SLC2A13: variants seen among roughly 807,000 people sequenced by gnomAD.
SLC2A13 encodes solute carrier family 2 member 13.
SLC2A13 carries 32 observed loss-of-function variants against 64.4 expected under a neutral mutation model. The observed-to-expected ratio is 0.50, with a 90% CI of 0.37 to 0.67. The LOEUF is 0.67. Ranked by LOEUF, SLC2A13 falls within the 30% of genes least tolerant of loss-of-function variation. The probability of loss-of-function intolerance (pLI) is 0.00; values close to 1 mark genes in which losing one functional copy is unlikely to be tolerated. For synonymous variants in SLC2A13, 338 were observed against 327.1 expected (o/e 1.03, Z -0.36); for missense variants, 743 against 829.2 (o/e 0.90, Z 1.28).
At chr12:40,025,004 T>G (rs921172224) in intron 3 of SLC2A13, among the ~76,000 whole-genome samples, 1 of 152,248 alleles carries the variant, frequency 6.6e-6, no homozygotes. Flanking sequence ...CTAGTCTTAC[T>G]TTATTATTCC....
intron 1 of SLC2A13, among the ~76,000 whole-genome samples, chr12:40,064,679 A>G (rs1391884923): frequency 6.6e-6 from 1 of 152,288 alleles, no homozygotes. Context: ...TAACAAATAG[A>G]GCAAAATATT....
chr12:40,079,853 T>C lies in SLC2A13; in HGVS notation c.556+25400A>G, dbSNP rs1402550335. On this transcript the variant is annotated intron_variant, in intron 1 of 9. Coordinates refer to ENST00000280871, the MANE Select transcript of SLC2A13 (RefSeq NM_052885.4). ...AGTTGAACCATTTATCATTATGTAA[T>C]GTCCTTCTTTGTCCTTTTTATTTTT... Among the ~76,000 whole-genome samples, 6 of 152,220 alleles carry C rather than the reference T, an allele frequency of 3.9e-5. No individual in the cohort carries two copies. In the East Asian group the frequency reaches 7.7e-4, roughly 20 times the overall value.
intron 4 of SLC2A13, among the ~76,000 whole-genome samples, chr12:39,921,910 C>A (rs1945620866): frequency 6.6e-6 from 1 of 151,388 alleles, no homozygotes; most frequent in South Asian, 2.1e-4. Context: ...GCATATAAAT[C>A]CAACAAAAGT....
chr12:40,076,755 C>T (rs1938193539), intron 1 of SLC2A13, among the ~76,000 whole-genome samples: 1 of 152,176 alleles, frequency 6.6e-6, no homozygotes, highest in African/African-American at 2.4e-5. Context: ...AACTAATTTA[C>T]ATTACCACCA....
chr12:39,834,796 T>C (rs956801445), intron 6 of SLC2A13, among the ~76,000 whole-genome samples: 1 of 152,066 alleles, frequency 6.6e-6, no homozygotes, highest in Non-Finnish European at 1.5e-5. Flanking sequence ...TATAGACTAT[T>C]TTATGGCAAA....
intron 7 of SLC2A13, among the ~76,000 whole-genome samples, chr12:39,815,210 C>T (rs900718464): frequency 1.3e-5 from 2 of 152,096 alleles, no homozygotes; most frequent in African/African-American, 4.8e-5. Context: ...TTTAGACTTT[C>T]TGAAAGAAAC....
Position 40,067,624 on chromosome 12 carries a change from T to G in SLC2A13, c.557-19414A>C, listed in dbSNP as rs1400916691. Among the ~76,000 whole-genome samples, 3 of 152,188 alleles carry G rather than the reference T, an allele frequency of 2.0e-5. No homozygotes were observed. In the East Asian group the frequency reaches 5.8e-4, roughly 29 times the overall value. Reference sequence around the variant, plus strand: ...TCATTCTGCTGTCTCCCTAAACATATAGCTTTCTACTCATTTTTGTCTTCA... The same window carrying G: ...TCATTCTGCTGTCTCCCTAAACATAGAGCTTTCTACTCATTTTTGTCTTCA... On this transcript the variant is annotated intron_variant, in intron 1 of 9. Coordinates refer to ENST00000280871, the MANE Select transcript of SLC2A13 (RefSeq NM_052885.4).
At chr12:40,050,752 G>T (rs964833468) in intron 1 of SLC2A13, among the ~76,000 whole-genome samples, 2 of 152,142 alleles carry the variant, frequency 1.3e-5, no homozygotes, top group Non-Finnish European at 2.9e-5. Context: ...TATATTGACG[G>T]ATCATCATAA....
At chr12:39,776,068 TAGAC>T (rs1940764988) in intron 7 of SLC2A13, among the ~76,000 whole-genome samples, 1 of 152,230 alleles carries the variant, frequency 6.6e-6, no homozygotes, top group Admixed American at 6.5e-5. Context: ...TAGTGACTCA[TAGAC>T]AGCTAATCTG....
chr12:40,052,768 C>G (rs931410253), intron 1 of SLC2A13, among the ~76,000 whole-genome samples: 1 of 151,814 alleles, frequency 6.6e-6, no homozygotes, highest in African/African-American at 2.4e-5. Flanking sequence ...AAGGATGGTA[C>G]TATGGGGACA....
chr12:39,859,426 C>A (rs1364506827), intron 6 of SLC2A13, among the ~76,000 whole-genome samples: 8 of 150,636 alleles, frequency 5.3e-5, no homozygotes, highest in South Asian at 4.2e-4. Context: ...AAACAACATG[C>A]CACTGTCCTG....
chr12:39,895,677 C>CACACATGTATATGCGTGTATAT lies in SLC2A13; in HGVS notation c.1035-23717_1035-23716insATATACACGCATATACATGTGT. Among the ~76,000 whole-genome samples the CACACATGTATATGCGTGTATAT allele has an allele frequency of 5.4e-5, 2 of 37,294 alleles. 1 individual carries two copies. The highest frequency in any genetic ancestry group is 1.5e-4 in the African/African-American group (2 of 13,434). 24.5% of individuals were successfully genotyped at this position (37,294 alleles called of 152,430 possible). ...ACACACATATGTATATGCGTGTATACGTACACACATATGTATATGCGTGTA... is the reference window on the plus strand; with the variant it reads ...ACACACATATGTATATGCGTGTATACACACATGTATATGCGTGTATATGTACACACATATGTATATGCGTGTA... On this transcript the variant is annotated intron_variant, in intron 4 of 9. Transcript: ENST00000280871.
intron 3 of SLC2A13, among the ~76,000 whole-genome samples, chr12:39,957,868 G>T (rs141174748): frequency 6.6e-6 from 1 of 152,224 alleles, no homozygotes; most frequent in East Asian, 1.9e-4. Flanking sequence ...GAAACGTGAG[G>T]AGGCCCAGCC....
At chr12:40,062,124 A>G (rs1170499194) in intron 1 of SLC2A13, among the ~76,000 whole-genome samples, 1 of 151,834 alleles carries the variant, frequency 6.6e-6, no homozygotes, top group East Asian at 1.9e-4. Context: ...ATAAAATTGA[A>G]CCCCTACTTC....
At chr12:40,007,480 T>C (rs187598468) in intron 3 of SLC2A13, among the ~76,000 whole-genome samples, 87 of 135,072 alleles carry the variant, frequency 6.4e-4, no homozygotes, top group Non-Finnish European at 1.1e-3. Context: ...CAATTGCTGC[T>C]GAAAACAACT....
At chr12:39,973,165 A>G (rs747221473) in intron 3 of SLC2A13, among the ~76,000 whole-genome samples, 7 of 152,116 alleles carry the variant, frequency 4.6e-5, no homozygotes, top group South Asian at 2.1e-4. Flanking sequence ...CCTCTCCACA[A>G]ATTCACTGAA....
intron 4 of SLC2A13, among the ~76,000 whole-genome samples, chr12:39,877,676 A>C (rs1297751013): frequency 3.3e-5 from 5 of 152,256 alleles, no homozygotes. Context: ...CTGAACTTAC[A>C]TTTAAAAACA....
intron 7 of SLC2A13, among the ~76,000 whole-genome samples, chr12:39,822,525 T>C (rs1034964062): frequency 6.6e-6 from 1 of 152,196 alleles, no homozygotes; most frequent in Admixed American, 6.5e-5. Context: ...CCCTTTTTAA[T>C]AAATTCCAAG....
chr12:40,079,309 G>A (rs182363181), intron 1 of SLC2A13, among the ~76,000 whole-genome samples: 2 of 152,298 alleles, frequency 1.3e-5, no homozygotes, highest in East Asian at 1.9e-4. Context: ...ATTCAGGTGA[G>A]TTGTATCTGT....
Sources: allele counts gnomAD v4.1 joint callset (sites outside exome capture counted in the v4.1 genomes callset), GRCh38; gene constraint gnomAD v4.1.1; transcripts MANE v1.5; gene names NCBI Gene and HGNC (gene_info 2026-07-23, HGNC 2026-07-21).